FGF12: variants seen among roughly 807,000 people sequenced by gnomAD.
The protein encoded by FGF12 is fibroblast growth factor 12.
In FGF12, 14 loss-of-function variants were observed where a neutral mutation model predicts 23.6. The ratio of observed to expected loss-of-function variants is 0.59; its 90% CI spans 0.39 to 0.93. FGF12 has a LOEUF of 0.93. Ranked by LOEUF, FGF12 falls within the 40% of genes least tolerant of loss-of-function variation. The pLI is 0.00. For missense variants in FGF12, 175 were observed against 217.8 expected (o/e 0.80, Z 1.24); for synonymous variants, 62 against 77.3 (o/e 0.80, Z 1.04).
chr3:192,620,812 G>T (rs1218542832), intron 2 of FGF12, among the ~76,000 whole-genome samples: 9 of 152,032 alleles, frequency 5.9e-5, no homozygotes, highest in Admixed American at 5.9e-4. Context: ...TGAAAGAGCT[G>T]GGATATCTAC....
rs1721057728 is a variant in FGF12, at chr3:192,408,439, C to G, written c.14-47901G>C. 2 of 1,386,054 alleles carry G rather than the reference C, an allele frequency of 1.4e-6. No homozygotes were observed. Among genetic ancestry groups the G allele is most frequent in the Non-Finnish European group, 1.9e-6 (2 of 1,076,282 alleles). The allele number at this position is 1,386,054 out of a possible 1,614,324, so 85.9% of individuals were successfully genotyped here. On this transcript the variant is annotated intron_variant, in intron 2 of 5. Coordinates refer to ENST00000445105, the MANE Select transcript of FGF12 (RefSeq NM_004113.6). The surrounding 1 kb of genome is among the most constrained non-coding windows in gnomAD (Gnocchi z 7.3). ...AAATGTGTGAAAATCCAGATGTAAA[C>G]TTCCCCAACCTCTGGCGGCCGGGGG...
In FGF12 at chr3:192,572,095, C is replaced by T. The variant is rs187145193; in HGVS notation, c.13+155086G>A. ...AGGCTTAGGAAACTAGGACCCATCA[C>T]GAACCTTCTCATAGTAATCCAGATC... On this transcript the variant is annotated intron_variant, in intron 2 of 5. Transcript: ENST00000445105. 1.7e-3 allele frequency among the ~76,000 whole-genome samples: 263 copies of T among 152,238 alleles called. 1 individual carries two copies. The highest frequency in any genetic ancestry group is 6.2e-3 in the African/African-American group (256 of 41,548).
At chr3:192,283,181 T>A (rs1714252303) in intron 4 of FGF12, 1 of 152,088 alleles carries the variant, frequency 6.6e-6, no homozygotes, top group African/African-American at 2.4e-5. Flanking sequence ...ATCTAAAATA[T>A]TAGATGAATG....
At chr3:192,727,359 A>G (rs1719253675) in intron 1 of FGF12, 36 bp from the exon 2 acceptor site, 14 of 1,521,114 alleles carry the variant, frequency 9.2e-6, no homozygotes, top group Non-Finnish European at 1.2e-5. Flanking sequence ...TGAAGCTGCA[A>G]TCAGCCACCA....
chr3:192,159,689 C>T (rs965137859), intron 5 of FGF12, among the ~76,000 whole-genome samples: 8 of 152,228 alleles, frequency 5.3e-5, no homozygotes, highest in African/African-American at 1.2e-4. Flanking sequence ...GGTTGTCAAG[C>T]GGTGGTGAAT....
intron 2 of FGF12, among the ~76,000 whole-genome samples, chr3:192,455,239 G>A (rs146281011): frequency 6.6e-6 from 1 of 152,300 alleles, no homozygotes; most frequent in Non-Finnish European, 1.5e-5. Flanking sequence ...TACTGTTTCG[G>A]AGAGGGGACA....
chr3:192,287,585 C>CCCCCCAAA (rs1714524654), intron 4 of FGF12, among the ~76,000 whole-genome samples: 2 of 151,976 alleles, frequency 1.3e-5, no homozygotes, highest in Admixed American at 1.3e-4. Context: ...ATAGTAAAAC[C>CCCCCCAAA]ACTAACCCCA....
Position 192,408,341 on chromosome 3 carries a change from T to C in FGF12, c.14-47803A>G. 1 of 1,431,248 alleles carries C rather than the reference T, an allele frequency of 7.0e-7. No homozygotes were observed. The highest frequency in any genetic ancestry group is 9.1e-7 in the Non-Finnish European group (1 of 1,096,756). The allele number at this position is 1,431,248 out of a possible 1,614,324, so 88.7% of individuals were successfully genotyped here. Reference sequence around the variant, plus strand: ...AAGGGCAGTCGCGGGGAGGCAGTGCTAAAATTTGAGGAGGCTGCAGTATCG... The same window carrying C: ...AAGGGCAGTCGCGGGGAGGCAGTGCCAAAATTTGAGGAGGCTGCAGTATCG... On this transcript the variant is annotated intron_variant, in intron 2 of 5. Coordinates refer to ENST00000445105, the MANE Select transcript of FGF12 (RefSeq NM_004113.6). This position sits in a 1 kb window ranked among gnomAD's most constrained non-coding sequence, Gnocchi z 7.3.
At chr3:192,621,400 A>G (rs1423282730) in intron 2 of FGF12, among the ~76,000 whole-genome samples, 4 of 152,168 alleles carry the variant, frequency 2.6e-5, no homozygotes, top group Non-Finnish European at 5.9e-5. Context: ...AGTAATGCAT[A>G]CCAGAAAAAG....
At chr3:192,284,296 C>G (rs997793054) in intron 4 of FGF12, among the ~76,000 whole-genome samples, 1 of 152,052 alleles carries the variant, frequency 6.6e-6, no homozygotes, top group South Asian at 2.1e-4. Context: ...CACAGGGCAC[C>G]CTGCCCATTG....
chr3:192,145,222 G>C (rs958040938), intron 5 of FGF12, among the ~76,000 whole-genome samples: 3 of 152,222 alleles, frequency 2.0e-5, no homozygotes, highest in Admixed American at 1.3e-4. Flanking sequence ...GCCTTGCATA[G>C]AGCAAGTACC....
At chr3:192,607,592 T>C (rs1206437312) in intron 2 of FGF12, among the ~76,000 whole-genome samples, 1 of 152,158 alleles carries the variant, frequency 6.6e-6, no homozygotes, top group Admixed American at 6.6e-5. Context: ...TTCAAAAATA[T>C]GTCAGTTCCT....
intron 4 of FGF12, among the ~76,000 whole-genome samples, chr3:192,323,807 G>T (rs765843782): frequency 6.6e-6 from 1 of 152,050 alleles, no homozygotes; most frequent in East Asian, 1.9e-4. Context: ...AATATCTCAT[G>T]TGGCAGGGCA....
At chr3:192,546,944 C>T (rs893477858) in intron 2 of FGF12, among the ~76,000 whole-genome samples, 3 of 151,896 alleles carry the variant, frequency 2.0e-5, no homozygotes, top group Non-Finnish European at 2.9e-5. Context: ...CTAGCTACTT[C>T]GGAGGCTGCA....
intron 3 of FGF12, among the ~76,000 whole-genome samples, chr3:192,353,368 T>C (rs976509191): frequency 7.9e-5 from 5 of 63,064 alleles, no homozygotes; most frequent in Non-Finnish European, 1.6e-4. Context: ...GCAGAAGTCT[T>C]TTTTTTTTTT....
At chr3:192,167,968 T>C (rs1715321638) in intron 5 of FGF12, among the ~76,000 whole-genome samples, 1 of 151,216 alleles carries the variant, frequency 6.6e-6, no homozygotes, top group South Asian at 2.1e-4. Flanking sequence ...GGTTTCACCA[T>C]GTTGGTCAGG....
intron 2 of FGF12, among the ~76,000 whole-genome samples, chr3:192,423,346 A>G (rs1721594620): frequency 6.6e-6 from 1 of 152,142 alleles, no homozygotes; most frequent in Non-Finnish European, 1.5e-5. Context: ...GTTCCATCTT[A>G]GGGAGCCATT....
rs149119814 is a variant in FGF12, at chr3:192,659,050, T to A, written c.13+68131A>T. Among the ~76,000 whole-genome samples, 690 of 152,268 alleles carry A rather than the reference T, an allele frequency of 4.5e-3. 4 individuals carry two copies. Among genetic ancestry groups the A allele is most frequent in the African/African-American group, 0.016 (652 of 41,564 alleles). On this transcript the variant is annotated intron_variant, in intron 2 of 5. Transcript: ENST00000445105. ...ATCATGGGACAGGACAAATCAGGCTTGAAAGTCATCCCAAAACTGATGGTT... is the reference window on the plus strand; with the variant it reads ...ATCATGGGACAGGACAAATCAGGCTAGAAAGTCATCCCAAAACTGATGGTT...
intron 2 of FGF12, among the ~76,000 whole-genome samples, chr3:192,670,450 T>C (rs1717068737): frequency 6.6e-6 from 1 of 152,122 alleles, no homozygotes; most frequent in South Asian, 2.1e-4. Context: ...TGAGACCAAA[T>C]GTTTTAGAGT....
Sources: allele counts gnomAD v4.1 joint callset (sites outside exome capture counted in the v4.1 genomes callset), GRCh38; gene constraint gnomAD v4.1.1; non-coding constraint Gnocchi (gnomAD v3.1); transcripts MANE v1.5; gene names NCBI Gene and HGNC (gene_info 2026-07-23, HGNC 2026-07-21).